Variants in DIP2C observed in about 807,000 individuals in gnomAD.
The protein encoded by DIP2C is DIP2 acetate--CoA ligase C (putative).
In DIP2C, 33 loss-of-function variants were observed where a neutral mutation model predicts 192.4. The ratio of observed to expected loss-of-function variants is 0.17; its 90% CI spans 0.13 to 0.23. The LOEUF (loss-of-function observed/expected upper bound fraction) is 0.23. DIP2C is among the 10% of genes least tolerant of loss of function. DIP2C has a pLI of 1.00. For missense variants in DIP2C, 1,537 were observed against 2,110.1 expected (o/e 0.73, Z 5.32); for synonymous variants, 979 against 864.1 (o/e 1.13, Z -2.33).
Position 345,072 on chromosome 10 carries a change from G to A in DIP2C, c.3270C>T (p.Ile1090=), listed in dbSNP as rs1055783224. 6.2e-7 allele frequency: 1 copy of A among 1,613,570 alleles called. No individual in the cohort carries two copies. Among genetic ancestry groups the A allele is most frequent in the Non-Finnish European group, 8.5e-7 (1 of 1,179,964 alleles). Residue 1090 remains isoleucine (I), a synonymous_variant, in exon 27 of 37, where the codon ATC becomes ATT. Coordinates refer to ENST00000280886, the MANE Select transcript of DIP2C (RefSeq NM_014974.3). ...CCTCCCTGGACCGCAGCAACTTACA[G>A]ATCAGCTGTGTCGTCATCAGACAGG... The part of the protein sequence containing the change: ...RSACLMTTQL[I]CKLLRSREAA...
chr10:393,651 C>T (rs1418435079), intron 10 of DIP2C, among the ~76,000 whole-genome samples: 1 of 151,822 alleles, frequency 6.6e-6, no homozygotes, highest in African/African-American at 2.4e-5. Context: ...CCATGGTACG[C>T]GCCTGTAATC....
At chr10:670,242 A>G (rs1200866508) in intron 1 of DIP2C, among the ~76,000 whole-genome samples, 4 of 152,186 alleles carry the variant, frequency 2.6e-5, no homozygotes, top group Non-Finnish European at 4.4e-5. Context: ...GCACACGCAT[A>G]TGCACACACG....
At chr10:619,640 C>G (rs1237522580) in intron 1 of DIP2C, among the ~76,000 whole-genome samples, 2 of 151,164 alleles carry the variant, frequency 1.3e-5, no homozygotes, top group African/African-American at 4.9e-5. Context: ...AGCTGTGAAC[C>G]TGGTTACCCT....
At chr10:328,254 C>A (rs540825953) in intron 30 of DIP2C, among the ~76,000 whole-genome samples, 2 of 152,218 alleles carry the variant, frequency 1.3e-5, no homozygotes, top group Non-Finnish European at 2.9e-5. Flanking sequence ...CATATTCACA[C>A]GCGCGCACGT....
intron 1 of DIP2C, among the ~76,000 whole-genome samples, chr10:508,826 A>C (rs920935998): frequency 1.3e-5 from 2 of 152,120 alleles, no homozygotes; most frequent in Non-Finnish European, 2.9e-5. Flanking sequence ...GTTGTGTACT[A>C]CTGATCAGGG....
chr10:384,666 G>T, intron 14 of DIP2C, 27 bp from the exon 15 acceptor site: 4 of 1,611,374 alleles, frequency 2.5e-6, no homozygotes, highest in Non-Finnish European at 3.4e-6. Context: ...AACACGCAGG[G>T]TGAGCATGGA....
chr10:621,676 GCCTCCAT>G (rs965232217), intron 1 of DIP2C, among the ~76,000 whole-genome samples: 65 of 152,224 alleles, frequency 4.3e-4, no homozygotes, highest in African/African-American at 1.5e-3. Context: ...TCACCCTTCC[GCCTCCAT>G]CCTCCATCCT....
intron 17 of DIP2C, among the ~76,000 whole-genome samples, chr10:380,557 C>T (rs1177559544): frequency 6.6e-6 from 1 of 152,262 alleles, no homozygotes; most frequent in Non-Finnish European, 1.5e-5. Flanking sequence ...TCGAACCCAT[C>T]CAAACAGGCA....
chr10:339,931 G>A (rs910705110), intron 29 of DIP2C, among the ~76,000 whole-genome samples: 11 of 152,138 alleles, frequency 7.2e-5, no homozygotes, highest in Admixed American at 6.5e-4. Context: ...GACTGGGTGC[G>A]GTGGCGCACG....
intron 1 of DIP2C, among the ~76,000 whole-genome samples, chr10:545,161 T>C (rs1329303131): frequency 2.2e-5 from 3 of 133,720 alleles, no homozygotes; most frequent in African/African-American, 9.6e-5. Context: ...TGACTGGTGT[T>C]TTCCCTTTTT....
At chr10:523,375 C>T (rs2487815) in intron 1 of DIP2C, among the ~76,000 whole-genome samples, 1 of 60,800 alleles carries the variant, frequency 1.6e-5, no homozygotes, top group Non-Finnish European at 3.7e-5. Context: ...GACTCTGTGT[C>T]ACCCACACAC....
intron 1 of DIP2C, among the ~76,000 whole-genome samples, chr10:566,105 T>A (rs1156379043): frequency 6.6e-6 from 1 of 152,236 alleles, no homozygotes; most frequent in African/African-American, 2.4e-5. Flanking sequence ...GCTCTAAGAA[T>A]AGAAACTTCT....
At chr10:510,365 G>T (rs1454691429) in intron 1 of DIP2C, among the ~76,000 whole-genome samples, 1 of 152,234 alleles carries the variant, frequency 6.6e-6, no homozygotes, top group Non-Finnish European at 1.5e-5. Flanking sequence ...GGCATTTTAA[G>T]TGACTAATCA....
intron 1 of DIP2C, among the ~76,000 whole-genome samples, chr10:579,045 C>G (rs914325442): frequency 2.6e-4 from 40 of 152,108 alleles, no homozygotes; most frequent in African/African-American, 8.7e-4. Context: ...ACCCAGTGTA[C>G]AAACATAAGT....
chr10:661,651 G>T lies in DIP2C; in HGVS notation c.85+27843C>A, dbSNP rs142042134. Among the ~76,000 whole-genome samples, 113 of 152,232 alleles carry T rather than the reference G, an allele frequency of 7.4e-4. 1 individual carries two copies. The highest frequency in any genetic ancestry group is 2.6e-3 in the African/African-American group (108 of 41,548). On this transcript the variant is annotated intron_variant, in intron 1 of 36. Transcript: ENST00000280886. ...AAGCAGGGCCTTTTCTGGGTCTTCCGACCCTTCCTCCATTTCCAAATGTGG... is the reference window on the plus strand; with the variant it reads ...AAGCAGGGCCTTTTCTGGGTCTTCCTACCCTTCCTCCATTTCCAAATGTGG...
chr10:324,296 C>G (rs1420185972), intron 31 of DIP2C, among the ~76,000 whole-genome samples: 1 of 152,184 alleles, frequency 6.6e-6, no homozygotes, highest in Non-Finnish European at 1.5e-5. Flanking sequence ...TCTGGGGCCC[C>G]CACCCTTCCT....
chr10:429,577 G>T (rs942550415), intron 4 of DIP2C, among the ~76,000 whole-genome samples: 4 of 145,074 alleles, frequency 2.8e-5, no homozygotes, highest in African/African-American at 1.0e-4. Context: ...GGCAACCACT[G>T]ATCTTTTTAC....
intron 1 of DIP2C, among the ~76,000 whole-genome samples, chr10:595,170 G>T (rs943136801): frequency 2.0e-5 from 3 of 152,144 alleles, no homozygotes; most frequent in African/African-American, 7.2e-5. Context: ...GAATCAAACT[G>T]ACCTTTTTCT....
intron 3 of DIP2C, among the ~76,000 whole-genome samples, chr10:459,286 C>A (rs1969558547): frequency 6.6e-6 from 1 of 152,008 alleles, no homozygotes; most frequent in African/African-American, 2.4e-5. Flanking sequence ...CCGTGTCATT[C>A]TGGAAAGCAC....
Sources: gnomAD v4.1 joint callset for allele counts (sites outside exome capture counted in the v4.1 genomes callset) on GRCh38, gnomAD v4.1.1 for gene constraint, MANE v1.5 for transcripts, NCBI Gene and HGNC (gene_info 2026-07-23, HGNC 2026-07-21) for gene names.